Variants in OR1J2 observed in about 807,000 individuals in gnomAD.
OR1J2 encodes olfactory receptor family 1 subfamily J member 2.
For missense variants in OR1J2, 304 were observed against 246.1 expected, an observed-to-expected ratio of 1.24 and a Z score of -1.57; for synonymous variants, 142 against 99.7, an observed-to-expected ratio of 1.42 and a Z score of -2.52.
At chr9:122,479,738 C>A in the OR1J2 span, among the ~76,000 whole-genome samples, 1 of 152,154 alleles carries the variant, frequency 6.6e-6, no homozygotes, top group East Asian at 1.9e-4. Context: ...TTATTTTGGT[C>A]TATTCTTTTT....
the OR1J2 span, among the ~76,000 whole-genome samples, chr9:122,457,366 T>C: frequency 6.6e-6 from 1 of 151,898 alleles, no homozygotes; most frequent in East Asian, 1.9e-4. Context: ...ATCCTGGAAC[T>C]TAAAATAAGA....
chr9:122,521,339 T>C, the OR1J2 span, among the ~76,000 whole-genome samples: 3 of 152,312 alleles, frequency 2.0e-5, no homozygotes, highest in Non-Finnish European at 4.4e-5. Flanking sequence ...TAACCTGCCC[T>C]AGGACACAGC....
the OR1J2 span, among the ~76,000 whole-genome samples, chr9:122,485,831 C>G: frequency 2.6e-5 from 4 of 152,204 alleles, no homozygotes; most frequent in African/African-American, 9.6e-5. Flanking sequence ...AATTTACTAT[C>G]TTTCCAGTTT....
At chr9:122,565,624 A>G in the OR1J2 span, among the ~76,000 whole-genome samples, 1 of 152,246 alleles carries the variant, frequency 6.6e-6, no homozygotes, top group African/African-American at 2.4e-5. Context: ...TATGTTGATT[A>G]CATTAGTCTG....
At chr9:122,550,701 C>A in the OR1J2 span, among the ~76,000 whole-genome samples, 5 of 151,726 alleles carry the variant, frequency 3.3e-5, no homozygotes, top group South Asian at 8.3e-4. Flanking sequence ...ATTCCATATC[C>A]CTTCATGATA....
the OR1J2 span, among the ~76,000 whole-genome samples, chr9:122,566,080 C>T: frequency 6.6e-6 from 1 of 152,102 alleles, no homozygotes; most frequent in Non-Finnish European, 1.5e-5. Context: ...TGAAAACACC[C>T]GAGGCATTGG....
chr9:122,472,189 GT>G, the OR1J2 span, among the ~76,000 whole-genome samples: 2 of 152,126 alleles, frequency 1.3e-5, no homozygotes, highest in African/African-American at 4.8e-5. Flanking sequence ...TGATCTGTAT[GT>G]TCTCCCCCTG....
At chr9:122,519,410 A>G in the OR1J2 span, 1 of 1,614,136 alleles carries the variant, frequency 6.2e-7, no homozygotes, top group Non-Finnish European at 8.5e-7. Context: ...CTCAGGATCA[A>G]TCCATTCTTT....
chr9:122,534,303 G>A, the OR1J2 span, among the ~76,000 whole-genome samples: 2 of 152,168 alleles, frequency 1.3e-5, no homozygotes, highest in Non-Finnish European at 2.9e-5. Context: ...AATGTCAGGA[G>A]CAGATTGGGT....
At chr9:122,478,621 A>G in the OR1J2 span, among the ~76,000 whole-genome samples, 6,742 of 152,222 alleles carry the variant, frequency 0.044, 148 homozygotes, top group Middle Eastern at 0.095. Context: ...CAAAGGACAT[A>G]CCCACATATT....
At chr9:122,567,389 G>C in the OR1J2 span, 1 of 536,196 alleles carries the variant, frequency 1.9e-6, no homozygotes, top group Non-Finnish European at 3.2e-6. Context: ...AGGCCGAATT[G>C]TTGGGTCATC....
At chr9:122,518,042 C>T in the OR1J2 span, among the ~76,000 whole-genome samples, 3 of 152,168 alleles carry the variant, frequency 2.0e-5, no homozygotes, top group African/African-American at 7.2e-5. Flanking sequence ...AGGACATGGT[C>T]TCATTCCTTT....
the OR1J2 span, chr9:122,519,695 C>G: frequency 1.9e-6 from 3 of 1,614,112 alleles, no homozygotes; most frequent in Non-Finnish European, 2.5e-6. Flanking sequence ...TTGCCCTACT[C>G]AAGCTCTCAT....
chr9:122,526,890 C>T, the OR1J2 span: 1 of 1,614,160 alleles, frequency 6.2e-7, no homozygotes, highest in Non-Finnish European at 8.5e-7. Flanking sequence ...GACTTGGGGC[C>T]TCATGACTGT....
the OR1J2 span, among the ~76,000 whole-genome samples, chr9:122,547,570 C>T: frequency 6.6e-6 from 1 of 151,548 alleles, no homozygotes; most frequent in South Asian, 2.1e-4. Context: ...GTCTATTATT[C>T]CACTTCTATG....
At chr9:122,541,782 C>G in the OR1J2 span, among the ~76,000 whole-genome samples, 1 of 152,210 alleles carries the variant, frequency 6.6e-6, no homozygotes, top group Admixed American at 6.5e-5. Flanking sequence ...TGTGGTGAAA[C>G]TCAAAGAAGA....
the OR1J2 span, among the ~76,000 whole-genome samples, chr9:122,450,495 G>A: frequency 1.3e-5 from 2 of 152,144 alleles, no homozygotes; most frequent in South Asian, 2.1e-4. Context: ...ATATATTTGT[G>A]AGGGTATAAT....
chr9:122,478,940 G>A, the OR1J2 span, among the ~76,000 whole-genome samples: 5 of 152,160 alleles, frequency 3.3e-5, no homozygotes, highest in African/African-American at 1.2e-4. Flanking sequence ...ATGTTGGTCA[G>A]GCTGGTCTCG....
At chr9:122,469,380 C>T in the OR1J2 span, among the ~76,000 whole-genome samples, 9 of 152,282 alleles carry the variant, frequency 5.9e-5, no homozygotes, top group South Asian at 6.2e-4. Context: ...TCTACTTTTG[C>T]GTCTTCCTCA....
Sources: gnomAD v4.1 joint callset for allele counts (sites outside exome capture counted in the v4.1 genomes callset) on GRCh38, gnomAD v4.1.1 for gene constraint, MANE v1.5 for transcripts, NCBI Gene and HGNC (gene_info 2026-07-23, HGNC 2026-07-21) for gene names.